The following NTM variants were observed in gnomAD, a reference collection of about 807,000 sequenced individuals.
NTM encodes neurotrimin, also known as IgLON family member 2.
Under a neutral mutation model 42.1 loss-of-function variants are expected in NTM, and 13 were observed. That is an observed-to-expected ratio of 0.31 (90% CI 0.20 to 0.49). The LOEUF (loss-of-function observed/expected upper bound fraction) is 0.49, where lower values mean the gene tolerates loss of function less well. Among genes scored for constraint, NTM ranks in the 20% least tolerant of loss-of-function variants. The probability of loss-of-function intolerance (pLI) is 0.99; values close to 1 mark genes in which losing one functional copy is unlikely to be tolerated. For synonymous variants in NTM, 187 were observed against 179.2 expected (o/e 1.04, Z -0.35); for missense variants, 373 against 452.8 (o/e 0.82, Z 1.60).
chr11:131,723,395 T>G (rs1417043352), intron 1 of NTM, among the ~76,000 whole-genome samples: 1 of 152,246 alleles, frequency 6.6e-6, no homozygotes, highest in Non-Finnish European at 1.5e-5. Flanking sequence ...TGGACCAGAA[T>G]TCAGTCTTCT....
intron 1 of NTM, among the ~76,000 whole-genome samples, chr11:131,465,128 C>A (rs958850550): frequency 6.6e-6 from 1 of 152,170 alleles, no homozygotes; most frequent in Non-Finnish European, 1.5e-5. Flanking sequence ...GTATGTTAGG[C>A]AATTAATGCA....
Position 132,319,841 on chromosome 11 carries a change from C to T in NTM, c.934+5138C>T, listed in dbSNP as rs181498699. 2.4e-3 allele frequency among the ~76,000 whole-genome samples: 369 copies of T among 152,312 alleles called. 3 individuals carry two copies. Among genetic ancestry groups the T allele is most frequent in the East Asian group, 6.2e-3 (32 of 5,166 alleles). On this transcript the variant is annotated intron_variant, in intron 7 of 8. Transcript: ENST00000683400. The stretch of plus-strand genomic sequence containing the variant: ...CCTCCTCCAGTGGGTCCCTGACCCC[C>T]GAGTAGCCTAACGGGAGGCACCCCC...
At chr11:132,278,769 C>CAA (rs2093841558) in intron 4 of NTM, among the ~76,000 whole-genome samples, 2 of 119,734 alleles carry the variant, frequency 1.7e-5, no homozygotes, top group Admixed American at 1.6e-4. Flanking sequence ...CTCTCTCTCT[C>CAA]TCTCTCTCTC....
chr11:131,491,714 G>A (rs944678313), intron 1 of NTM, among the ~76,000 whole-genome samples: 1 of 152,132 alleles, frequency 6.6e-6, no homozygotes, highest in Non-Finnish European at 1.5e-5. Flanking sequence ...GGAGGATAGG[G>A]AATCAGAGGA....
intron 1 of NTM, chr11:131,660,706 A>AG (rs1565388574): frequency 4.7e-6 from 2 of 423,048 alleles, no homozygotes; most frequent in East Asian, 1.4e-4. Flanking sequence ...AGGGTGGTGA[A>AG]GAGGGACGGA....
At chr11:131,449,126 G>T (rs1012276830) in intron 1 of NTM, among the ~76,000 whole-genome samples, 7 of 152,218 alleles carry the variant, frequency 4.6e-5, no homozygotes, top group African/African-American at 1.7e-4. Flanking sequence ...CTATAAATTG[G>T]CTCAGTCAGG....
At chr11:131,400,868 A>G (rs1945053765) in intron 1 of NTM, among the ~76,000 whole-genome samples, 1 of 152,136 alleles carries the variant, frequency 6.6e-6, no homozygotes, top group Non-Finnish European at 1.5e-5. Flanking sequence ...AGCTTTGAAT[A>G]AAACCACTTT....
chr11:131,931,240 A>C (rs888850389), intron 2 of NTM, among the ~76,000 whole-genome samples: 21 of 152,002 alleles, frequency 1.4e-4, no homozygotes, highest in African/African-American at 5.1e-4. Flanking sequence ...TTGAGCCTAG[A>C]GTTCAGGACC....
chr11:131,948,093 G>C (rs2134304859), intron 2 of NTM, among the ~76,000 whole-genome samples: 1 of 152,220 alleles, frequency 6.6e-6, no homozygotes, highest in Middle Eastern at 3.4e-3. Flanking sequence ...CGGGTGCAGT[G>C]GCTCACGCCT....
intron 1 of NTM, among the ~76,000 whole-genome samples, chr11:131,527,710 C>T (rs1361214331): frequency 1.3e-5 from 2 of 152,146 alleles, no homozygotes; most frequent in Admixed American, 6.5e-5. Flanking sequence ...ATGCTTACAA[C>T]GTTATGGGAG....
chr11:131,482,159 C>G (rs769545750), intron 1 of NTM, among the ~76,000 whole-genome samples: 14 of 152,132 alleles, frequency 9.2e-5, no homozygotes, highest in Non-Finnish European at 1.9e-4. Context: ...TCATGTCGTA[C>G]TCATTAGAGC....
intron 2 of NTM, among the ~76,000 whole-genome samples, chr11:132,111,167 G>A (rs1201928233): frequency 6.7e-6 from 1 of 148,186 alleles, no homozygotes; most frequent in Non-Finnish European, 1.5e-5. Context: ...AAAACAGAAC[G>A]GGCTAGTCTC....
intron 1 of NTM, among the ~76,000 whole-genome samples, chr11:131,830,287 T>C (rs530332883): frequency 6.6e-6 from 1 of 152,198 alleles, no homozygotes; most frequent in Non-Finnish European, 1.5e-5. Context: ...TCTTCTAGCA[T>C]TCTTATAGTT....
Position 131,569,575 on chromosome 11 carries a change from T to TC in NTM, c.82+198687_82+198688insC, listed in dbSNP as rs35805251. Among the ~76,000 whole-genome samples, 355 of 95,732 alleles carry TC rather than the reference T, an allele frequency of 3.7e-3. 3 individuals are homozygous for TC. Among genetic ancestry groups the TC allele is most frequent in the African/African-American group, 0.026 (326 of 12,336 alleles). The allele number at this position is 95,732 out of a possible 152,430, so 62.8% of individuals were successfully genotyped here. On this transcript the variant is annotated intron_variant, in intron 1 of 8. Transcript: ENST00000683400. Reference sequence around the variant, plus strand: ...TTAACTTTTCTTTTTTTCTTCTCTCTTTTTTTTTTTTTTTTTCTTTGATAC... The same window carrying TC: ...TTAACTTTTCTTTTTTTCTTCTCTCTCTTTTTTTTTTTTTTTTCTTTGATAC...
intron 1 of NTM, among the ~76,000 whole-genome samples, chr11:131,543,398 C>T (rs188568160): frequency 7.2e-5 from 11 of 152,306 alleles, no homozygotes; most frequent in East Asian, 5.8e-4. Context: ...TTCTTGGCAA[C>T]GGTACATATC....
intron 3 of NTM, among the ~76,000 whole-genome samples, chr11:132,208,592 C>T (rs2082345488): frequency 3.3e-5 from 5 of 152,186 alleles, no homozygotes; most frequent in African/African-American, 9.7e-5. Context: ...ACTGACAGCT[C>T]TGGCCCAAAC....
chr11:132,121,813 T>C (rs1456416919), intron 2 of NTM, among the ~76,000 whole-genome samples: 2 of 152,186 alleles, frequency 1.3e-5, no homozygotes, highest in African/African-American at 4.8e-5. Flanking sequence ...TCTACAAACA[T>C]GTTATCATTA....
intron 2 of NTM, among the ~76,000 whole-genome samples, chr11:131,961,996 A>C (rs1256910654): frequency 1.3e-5 from 2 of 151,838 alleles, no homozygotes; most frequent in African/African-American, 4.8e-5. Context: ...CAGCAACTTG[A>C]TTTTGCCTGG....
chr11:131,606,519 A>G (rs1024118270), intron 1 of NTM, among the ~76,000 whole-genome samples: 5 of 152,258 alleles, frequency 3.3e-5, no homozygotes, highest in Non-Finnish European at 7.3e-5. Flanking sequence ...ACTGATGGCC[A>G]GTGACTGGAC....
Sources: allele counts gnomAD v4.1 joint callset (sites outside exome capture counted in the v4.1 genomes callset), GRCh38; gene constraint gnomAD v4.1.1; transcripts MANE v1.5; gene names NCBI Gene and HGNC (gene_info 2026-07-23, HGNC 2026-07-21).